The following FOXO3 variants were observed in gnomAD, a reference collection of about 807,000 sequenced individuals.
FOXO3 encodes forkhead box protein O3.
A neutral mutation model predicts 41.9 loss-of-function variants in FOXO3; 4 were observed. The ratio of observed to expected loss-of-function variants is 0.10; its 90% CI spans 0.05 to 0.22. The LOEUF (loss-of-function observed/expected upper bound fraction) is 0.22, where lower values mean the gene tolerates loss of function less well. FOXO3 is among the 10% of genes least tolerant of loss of function. The probability of loss-of-function intolerance (pLI) is 1.00; values close to 1 mark genes in which losing one functional copy is unlikely to be tolerated. For synonymous variants in FOXO3, 318 were observed against 389.3 expected (o/e 0.82, Z 2.16); for missense variants, 534 against 906.8 (o/e 0.59, Z 5.28).
At chr6:108,614,666 T>C (rs566909017) in intron 1 of FOXO3, among the ~76,000 whole-genome samples, 1 of 152,218 alleles carries the variant, frequency 6.6e-6, no homozygotes, top group South Asian at 2.1e-4. Flanking sequence ...TAATCCAATC[T>C]GACAATCTCT....
At chr6:108,670,445 A>G (rs1367613299) in intron 2 of FOXO3, among the ~76,000 whole-genome samples, 1 of 151,552 alleles carries the variant, frequency 6.6e-6, no homozygotes, top group Non-Finnish European at 1.5e-5. Context: ...TTCTCGGAAT[A>G]CTAGATCCTC....
At chr6:108,612,557 G>A (rs1384575180) in intron 1 of FOXO3, among the ~76,000 whole-genome samples, 2 of 152,032 alleles carry the variant, frequency 1.3e-5, no homozygotes, top group African/African-American at 2.4e-5. Flanking sequence ...GTGGGCACCT[G>A]TAATCCCGGC....
chr6:108,593,416 C>T (rs73517982), intron 1 of FOXO3, among the ~76,000 whole-genome samples: 3,857 of 151,072 alleles, frequency 0.026, 168 homozygotes, highest in African/African-American at 0.086. Context: ...GATGGAGTCT[C>T]GCTCTGGCTG....
rs775379649 is a variant in FOXO3, at chr6:108,629,673, C to CT, written c.622-33773dup. ...TATTTTATAATCTTTTTTTTAACACCTTTTTTTTTCTGACAGGAGATATTA... is the reference window on the plus strand; with the variant it reads ...TATTTTATAATCTTTTTTTTAACACCTTTTTTTTTTCTGACAGGAGATATTA... On this transcript the variant is annotated intron_variant, in intron 1 of 2. Coordinates refer to ENST00000406360, the MANE Select transcript of FOXO3 (RefSeq NM_001455.4). 3.1e-3 allele frequency among the ~76,000 whole-genome samples: 470 copies of CT among 150,816 alleles called. 1 individual carries two copies. Among genetic ancestry groups the CT allele is most frequent in the South Asian group, 8.2e-3 (39 of 4,778 alleles).
At chr6:108,638,693 A>G (rs1475583146) in intron 1 of FOXO3, among the ~76,000 whole-genome samples, 1 of 152,208 alleles carries the variant, frequency 6.6e-6, no homozygotes, top group Admixed American at 6.5e-5. Flanking sequence ...TTGGGCAAGC[A>G]TCGCATTGTG....
intron 1 of FOXO3, among the ~76,000 whole-genome samples, chr6:108,634,996 A>T (rs1431448774): frequency 6.6e-6 from 1 of 151,716 alleles, no homozygotes; most frequent in Non-Finnish European, 1.5e-5. Flanking sequence ...AAGAATTTAA[A>T]ATTTTATAAA....
At position 108,625,513 on chromosome 6, in the gene FOXO3, A is replaced by G. The variant is rs976746852; in HGVS notation, c.622-37942A>G. 3.1e-4 allele frequency among the ~76,000 whole-genome samples: 47 copies of G among 152,376 alleles called. 1 individual carries two copies. The highest frequency in any genetic ancestry group is 1.3e-4 in the Non-Finnish European group (9 of 68,042). On this transcript the variant is annotated intron_variant, in intron 1 of 2. Coordinates refer to ENST00000406360, the MANE Select transcript of FOXO3 (RefSeq NM_001455.4). ...TATTTTCACTGTATTAATCATTTGC[A>G]TTAATCAATAAATTTTAACTTTTAA...
chr6:108,654,392 A>G (rs1778629640), intron 1 of FOXO3, among the ~76,000 whole-genome samples: 1 of 152,182 alleles, frequency 6.6e-6, no homozygotes, highest in Non-Finnish European at 1.5e-5. Context: ...CATCTTTTTC[A>G]TGCTATTTAA....
At chr6:108,642,463 G>T (rs959338684) in intron 1 of FOXO3, among the ~76,000 whole-genome samples, 5 of 151,950 alleles carry the variant, frequency 3.3e-5, no homozygotes, top group Non-Finnish European at 5.9e-5. Flanking sequence ...TTAAATTGGG[G>T]GAGTGGCGTG....
At chr6:108,654,359 C>CGT (rs1562259288) in intron 1 of FOXO3, among the ~76,000 whole-genome samples, 1 of 151,868 alleles carries the variant, frequency 6.6e-6, no homozygotes, top group African/African-American at 2.4e-5. Context: ...CCAACAGAAC[C>CGT]GTGTGTGGAG....
intron 1 of FOXO3, among the ~76,000 whole-genome samples, chr6:108,562,558 T>C (rs1775837151): frequency 6.6e-6 from 1 of 152,084 alleles, no homozygotes. Flanking sequence ...CTGCACCCGC[T>C]GCTCCCGCCG....
chr6:108,598,541 A>T (rs1223543783), intron 1 of FOXO3, among the ~76,000 whole-genome samples: 1 of 152,172 alleles, frequency 6.6e-6, no homozygotes, highest in Non-Finnish European at 1.5e-5. Context: ...AATGGAGGGA[A>T]AAAAAATCTA....
At chr6:108,611,042 C>T (rs1183056652) in intron 1 of FOXO3, among the ~76,000 whole-genome samples, 1 of 152,176 alleles carries the variant, frequency 6.6e-6, no homozygotes, top group Non-Finnish European at 1.5e-5. Context: ...CCCTACCCAC[C>T]CACAACTGCT....
Position 108,682,674 on chromosome 6 carries a change from A to T in FOXO3, c.*2882A>T, listed in dbSNP as rs1003752208. The T allele has an allele frequency of 5.2e-5, 8 of 152,386 alleles. No homozygotes were observed. Among genetic ancestry groups the T allele is most frequent in the African/African-American group, 1.9e-4 (8 of 41,590 alleles). 9.4% of individuals were successfully genotyped at this position (152,386 alleles called of 1,614,324 possible). Reference sequence around the variant, plus strand: ...CTTATGTTGAGACCCTGCTTTCAGGACAGGCCAGCCGTTGGCCACCATGTC... The same window carrying T: ...CTTATGTTGAGACCCTGCTTTCAGGTCAGGCCAGCCGTTGGCCACCATGTC... On this transcript the variant is annotated 3_prime_UTR_variant, in exon 3 of 3. Coordinates refer to ENST00000406360, the MANE Select transcript of FOXO3 (RefSeq NM_001455.4).
At chr6:108,578,489 C>G (rs1019123766) in intron 1 of FOXO3, among the ~76,000 whole-genome samples, 5 of 152,144 alleles carry the variant, frequency 3.3e-5, no homozygotes, top group African/African-American at 4.8e-5. Flanking sequence ...GCTCTGTAGC[C>G]TTCTGTACAA....
chr6:108,632,000 T>A (rs1306228457), intron 1 of FOXO3, among the ~76,000 whole-genome samples: 1 of 152,182 alleles, frequency 6.6e-6, no homozygotes. Flanking sequence ...TTTCTTGTGT[T>A]GTCATTATCT....
intron 1 of FOXO3, among the ~76,000 whole-genome samples, chr6:108,585,785 T>C (rs1348271585): frequency 6.6e-6 from 1 of 152,214 alleles, no homozygotes; most frequent in African/African-American, 2.4e-5. Context: ...TTTAGCTGAA[T>C]GAAACTCTAA....
chr6:108,600,333 G>A (rs1777011865), intron 1 of FOXO3, among the ~76,000 whole-genome samples: 1 of 151,994 alleles, frequency 6.6e-6, no homozygotes, highest in East Asian at 1.9e-4. Flanking sequence ...ATCACCCGAG[G>A]TCAGGAATTC....
intron 2 of FOXO3, 65 bp downstream of exon 2, chr6:108,664,954 C>T (rs975167123): frequency 1.4e-6 from 2 of 1,453,842 alleles, no homozygotes; most frequent in Non-Finnish European, 1.9e-6. Flanking sequence ...TCTGGGGGAG[C>T]CTGTCTTCTC....
Sources: gnomAD v4.1 joint callset for allele counts (sites outside exome capture counted in the v4.1 genomes callset) on GRCh38, gnomAD v4.1.1 for gene constraint, MANE v1.5 for transcripts, NCBI Gene and HGNC (gene_info 2026-07-23, HGNC 2026-07-21) for gene names.